The following KLHL24 variants were observed in gnomAD, a reference collection of about 807,000 sequenced individuals.
KLHL24 encodes kelch-like protein 24.
A neutral mutation model predicts 53.4 loss-of-function variants in KLHL24; 29 were observed. The ratio of observed to expected loss-of-function variants is 0.54; its 90% CI spans 0.40 to 0.74. KLHL24 has a LOEUF of 0.74. Among genes scored for constraint, KLHL24 ranks in the 30% least tolerant of loss-of-function variants. The pLI, the probability that KLHL24 is intolerant of heterozygous loss-of-function variation, is 0.00. For synonymous variants in KLHL24, 222 were observed against 253.7 expected, an observed-to-expected ratio of 0.88 and a Z score of 1.19; for missense variants, 504 against 744.0, an observed-to-expected ratio of 0.68 and a Z score of 3.75.
chr3:183,676,187 C>G (rs1711820359), intron 7 of KLHL24, among the ~76,000 whole-genome samples: 1 of 152,176 alleles, frequency 6.6e-6, no homozygotes. Context: ...CCTCCGCCTC[C>G]CGGGTTCAAG....
intron 3 of KLHL24, among the ~76,000 whole-genome samples, chr3:183,658,447 A>T (rs1719229563): frequency 6.6e-6 from 1 of 152,140 alleles, no homozygotes. Flanking sequence ...ATATACCATA[A>T]TTTATTTTAT....
chr3:183,647,147 G>A (rs918480639), intron 2 of KLHL24, among the ~76,000 whole-genome samples: 2 of 150,968 alleles, frequency 1.3e-5, no homozygotes, highest in Non-Finnish European at 3.0e-5. Context: ...AAAGCTGGGC[G>A]CAGTGGCTTA....
chr3:183,652,364 A>G (rs1402894577), intron 3 of KLHL24, among the ~76,000 whole-genome samples: 3 of 152,210 alleles, frequency 2.0e-5, no homozygotes, highest in Admixed American at 2.0e-4. Context: ...GCTTGTTATG[A>G]GAAATATTAC....
intron 7 of KLHL24, chr3:183,673,034 TAAAAC>T (rs1433487761): frequency 6.7e-6 from 1 of 150,340 alleles, no homozygotes; most frequent in Non-Finnish European, 1.5e-5. Context: ...TAAAATAAAA[TAAAAC>T]AAAATAAAAT....
chr3:183,641,144 A>G (rs1716357562), intron 1 of KLHL24, among the ~76,000 whole-genome samples: 1 of 152,126 alleles, frequency 6.6e-6, no homozygotes, highest in African/African-American at 2.4e-5. Flanking sequence ...ATGTATAAAA[A>G]TTGCTTGGTT....
chr3:183,638,483 A>C (rs1715753037), intron 1 of KLHL24, among the ~76,000 whole-genome samples: 1 of 152,190 alleles, frequency 6.6e-6, no homozygotes, highest in South Asian at 2.1e-4. Flanking sequence ...TTTTCAATAA[A>C]TATTTGGGTA....
Position 183,682,378 on chromosome 3 carries a change from A to G in KLHL24, c.*3092A>G, listed in dbSNP as rs947284450. 1 of 152,570 alleles carries G rather than the reference A, an allele frequency of 6.6e-6. No homozygotes were observed. The highest frequency in any genetic ancestry group is 1.5e-5 in the Non-Finnish European group (1 of 68,002). The allele number at this position is 152,570 out of a possible 1,614,324, so 9.5% of individuals were successfully genotyped here. On this transcript the variant is annotated 3_prime_UTR_variant, in exon 8 of 8. Transcript: ENST00000242810. ...TTCCCACTGACTTTACTGCACAGGT[A>G]TGAAATACTAGTGTATTGGATCTTC...
At chr3:183,654,326 T>A (rs1718555761) in intron 3 of KLHL24, among the ~76,000 whole-genome samples, 1 of 152,212 alleles carries the variant, frequency 6.6e-6, no homozygotes, top group East Asian at 1.9e-4. Flanking sequence ...CATCTCTTTG[T>A]CTTCCCTTAT....
intron 2 of KLHL24, among the ~76,000 whole-genome samples, chr3:183,648,749 T>A (rs2108790131): frequency 6.6e-6 from 1 of 152,188 alleles, no homozygotes; most frequent in South Asian, 2.1e-4. Flanking sequence ...TACCTATAAT[T>A]CCAGCACTTT....
chr3:183,678,903 A>T (rs1220248865), intron 7 of KLHL24, among the ~76,000 whole-genome samples, 183 bp from the exon 8 acceptor site: 1 of 148,760 alleles, frequency 6.7e-6, no homozygotes, highest in Admixed American at 6.7e-5. Context: ...AATTCATTTC[A>T]TTCATGCAAA....
In KLHL24 at chr3:183,651,294, A is replaced by G; in HGVS notation, c.920+18A>G. On this transcript the variant is annotated intron_variant, in intron 3 of 7. Coordinates refer to ENST00000242810, the MANE Select transcript of KLHL24 (RefSeq NM_017644.3). Reference sequence around the variant, plus strand: ...CCACGCAGGTGAGAAGACTGTTTTCAAATATAGTTAACAAAAGTTTTTAAT... The same window carrying G: ...CCACGCAGGTGAGAAGACTGTTTTCGAATATAGTTAACAAAAGTTTTTAAT... The G allele has an allele frequency of 1.9e-6, 3 of 1,585,108 alleles. No individual in the cohort carries two copies. The highest frequency in any genetic ancestry group is 2.6e-6 in the Non-Finnish European group (3 of 1,162,954).
In KLHL24 at chr3:183,682,969, C is replaced by T. The variant is rs1435602791; in HGVS notation, c.*3683C>T. On this transcript the variant is annotated 3_prime_UTR_variant, in exon 8 of 8. Transcript: ENST00000242810. ...TTTTTTTTTGGGGAAGGGGGGAGAA[C>T]GGGGTCTTGCTCTGTCGCCCAGGCT... 1 of 139,910 alleles carries T rather than the reference C, an allele frequency of 7.1e-6. No homozygotes were observed. The highest frequency in any genetic ancestry group is 2.7e-5 in the African/African-American group (1 of 37,428). 8.7% of individuals were successfully genotyped at this position (139,910 alleles called of 1,614,324 possible).
At chr3:183,649,520 T>G (rs1040376162) in intron 2 of KLHL24, among the ~76,000 whole-genome samples, 1 of 147,974 alleles carries the variant, frequency 6.8e-6, no homozygotes, top group African/African-American at 2.6e-5. Flanking sequence ...TAGGAGAGAG[T>G]GCTAAAAAAA....
At position 183,680,865 on chromosome 3, in the gene KLHL24, T is replaced by A. The variant is rs1338243477; in HGVS notation, c.*1579T>A. On this transcript the variant is annotated 3_prime_UTR_variant, in exon 8 of 8. Coordinates refer to ENST00000242810, the MANE Select transcript of KLHL24 (RefSeq NM_017644.3). ...TGTATATTTCTTGTGATAGAAGGGA[T>A]GATGCAAATATGTAATTAAAGTGTC... The A allele has an allele frequency of 6.6e-6, 1 of 152,212 alleles. No homozygotes were observed. Among genetic ancestry groups the A allele is most frequent in the African/African-American group, 2.4e-5 (1 of 41,458 alleles). The allele number at this position is 152,212 out of a possible 1,614,324, so 9.4% of individuals were successfully genotyped here.
At chr3:183,649,453 A>G (rs570605480) in intron 2 of KLHL24, among the ~76,000 whole-genome samples, 2 of 149,312 alleles carry the variant, frequency 1.3e-5, no homozygotes, top group South Asian at 2.1e-4. Flanking sequence ...TTTTCTATCA[A>G]TACAGCATTG....
rs1560191622 is a variant in KLHL24 at position 183,679,298 on chromosome 3, C to T, written c.*12C>T. The T allele has an allele frequency of 2.5e-6, 4 of 1,606,702 alleles. No individual in the cohort carries two copies. Among genetic ancestry groups the T allele is most frequent in the Non-Finnish European group, 2.6e-6 (3 of 1,173,660 alleles). ...GCTTTAAACTCTGAAGACAGGATAC[C>T]TCACCGAAGAAGCCACACTGATCCA... On this transcript the variant is annotated 3_prime_UTR_variant, in exon 8 of 8. Transcript: ENST00000242810.
intron 5 of KLHL24, among the ~76,000 whole-genome samples, chr3:183,665,521 C>T (rs1426598111): frequency 2.0e-5 from 3 of 152,098 alleles, no homozygotes; most frequent in Non-Finnish European, 2.9e-5. Flanking sequence ...GAGGCTGAGG[C>T]GGGCAGATCA....
At chr3:183,655,491 T>C (rs1268230887) in intron 3 of KLHL24, among the ~76,000 whole-genome samples, 4 of 152,104 alleles carry the variant, frequency 2.6e-5, no homozygotes, top group African/African-American at 7.2e-5. Context: ...TAGCTAGGCA[T>C]TGTAGCATGT....
At chr3:183,659,915 T>G (rs1719468840) in intron 3 of KLHL24, among the ~76,000 whole-genome samples, 1 of 152,168 alleles carries the variant, frequency 6.6e-6, no homozygotes, top group South Asian at 2.1e-4. Flanking sequence ...CATCCTGTGC[T>G]AGGTTGAGCA....
Sources: allele counts gnomAD v4.1 joint callset (sites outside exome capture counted in the v4.1 genomes callset), GRCh38; gene constraint gnomAD v4.1.1; transcripts MANE v1.5; gene names NCBI Gene and HGNC (gene_info 2026-07-23, HGNC 2026-07-21).